Variants in CCBE1 observed in about 807,000 individuals in gnomAD.
CCBE1 encodes the protein collagen and calcium-binding EGF domain-containing protein 1.
CCBE1 carries 37 observed loss-of-function variants against 50.0 expected under a neutral mutation model. The observed-to-expected ratio is 0.74, with a 90% CI of 0.57 to 0.97. The LOEUF (loss-of-function observed/expected upper bound fraction) is 0.97, where lower values mean the gene tolerates loss of function less well. Ranked by LOEUF, CCBE1 falls within the 50% of genes least tolerant of loss-of-function variation. CCBE1 has a pLI of 0.00. For synonymous variants in CCBE1, 234 were observed against 203.7 expected (o/e 1.15, Z -1.27); for missense variants, 538 against 523.8 (o/e 1.03, Z -0.26).
Position 59,648,683 on chromosome 18 carries a change from C to G in CCBE1, c.212+47946G>C, listed in dbSNP as rs12605041. The stretch of plus-strand genomic sequence containing the variant: ...CGCCACTGCACTCCAGCCTGGGCAA[C>G]AGAGCAAGACCCTGTCTCAAAAGAA... On this transcript the variant is annotated intron_variant, in intron 2 of 10. Transcript: ENST00000439986. 1.2e-4 allele frequency among the ~76,000 whole-genome samples: 18 copies of G among 152,168 alleles called. No individual in the cohort carries two copies. In the East Asian group the frequency reaches 3.1e-3, roughly 26 times the overall value.
chr18:59,498,273 ATT>A (rs1406804739), intron 2 of CCBE1, among the ~76,000 whole-genome samples: 1 of 152,208 alleles, frequency 6.6e-6, no homozygotes, highest in African/African-American at 2.4e-5. Flanking sequence ...AAATTATACA[ATT>A]TGATAAATTG....
intron 2 of CCBE1, among the ~76,000 whole-genome samples, chr18:59,622,856 G>GGGGAGGGAGAGA (rs2053731886): frequency 6.6e-6 from 1 of 151,192 alleles, no homozygotes; most frequent in Admixed American, 6.6e-5. Context: ...CCAGGGTCTG[G>GGGGAGGGAGAGA]GGGAGGGAGA....
chr18:59,549,471 G>T (rs1197273261), intron 2 of CCBE1, among the ~76,000 whole-genome samples: 3 of 152,152 alleles, frequency 2.0e-5, no homozygotes, highest in Non-Finnish European at 4.4e-5. Flanking sequence ...ATATTTTATT[G>T]CAGTAATTGA....
intron 2 of CCBE1, among the ~76,000 whole-genome samples, chr18:59,637,943 T>A (rs1158095304): frequency 6.6e-6 from 1 of 152,118 alleles, no homozygotes; most frequent in Admixed American, 6.6e-5. Context: ...CACAAAAATC[T>A]TTCAAAAAAT....
intron 2 of CCBE1, among the ~76,000 whole-genome samples, chr18:59,606,715 C>T (rs1199747540): frequency 1.3e-5 from 2 of 152,108 alleles, no homozygotes; most frequent in Admixed American, 6.5e-5. Context: ...GGAAAAAAAA[C>T]AACCAATCAT....
intron 2 of CCBE1, among the ~76,000 whole-genome samples, chr18:59,612,734 T>C (rs916100061): frequency 1.1e-4 from 17 of 151,734 alleles, no homozygotes; most frequent in Non-Finnish European, 8.8e-5. Context: ...AGCCGCCCCA[T>C]GCAGACAATT....
intron 2 of CCBE1, among the ~76,000 whole-genome samples, chr18:59,676,689 A>G (rs1434913804): frequency 6.6e-6 from 1 of 152,138 alleles, no homozygotes; most frequent in Non-Finnish European, 1.5e-5. Flanking sequence ...AAGACACAAT[A>G]AATAAAGTAC....
chr18:59,593,447 C>A (rs1204736613), intron 2 of CCBE1, among the ~76,000 whole-genome samples: 1 of 152,220 alleles, frequency 6.6e-6, no homozygotes, highest in African/African-American at 2.4e-5. Context: ...TTTTGTAATG[C>A]ATTCCAGTAC....
chr18:59,646,392 C>T (rs1399162316), intron 2 of CCBE1, among the ~76,000 whole-genome samples: 1 of 152,124 alleles, frequency 6.6e-6, no homozygotes, highest in Non-Finnish European at 1.5e-5. Flanking sequence ...CAATCCCAAC[C>T]CAGAAGTGGA....
chr18:59,641,126 T>TA (rs762438379), intron 2 of CCBE1, among the ~76,000 whole-genome samples: 1 of 151,882 alleles, frequency 6.6e-6, no homozygotes, highest in Non-Finnish European at 1.5e-5. Context: ...TATACCCAAA[T>TA]AAAAAAACAT....
intron 6 of CCBE1, among the ~76,000 whole-genome samples, chr18:59,448,951 C>T (rs1910805927): frequency 6.6e-6 from 1 of 152,160 alleles, no homozygotes; most frequent in South Asian, 2.1e-4. Flanking sequence ...AGGTGGGTAC[C>T]TGTGGCCCTG....
chr18:59,697,619 T>G, upstream of CCBE1: 4 of 448,316 alleles, frequency 8.9e-6, no homozygotes, highest in East Asian at 4.5e-5. Context: ...GTTCAAGTTG[T>G]CTCGTCGGGA....
intron 2 of CCBE1, among the ~76,000 whole-genome samples, chr18:59,571,409 T>C (rs1456424286): frequency 7.2e-6 from 1 of 138,732 alleles, no homozygotes; most frequent in Non-Finnish European, 1.5e-5. Context: ...TTCTCACTCA[T>C]AGGTGGGAAT....
At chr18:59,609,856 AG>A (rs2053547170) in intron 2 of CCBE1, among the ~76,000 whole-genome samples, 1 of 152,246 alleles carries the variant, frequency 6.6e-6, no homozygotes, top group African/African-American at 2.4e-5. Context: ...TGATTGGGTA[AG>A]TACCAGGGAT....
chr18:59,534,244 C>T (rs1038252740), intron 2 of CCBE1, among the ~76,000 whole-genome samples: 3 of 152,182 alleles, frequency 2.0e-5, no homozygotes, highest in East Asian at 1.9e-4. Context: ...CCTATAACTT[C>T]GGTATCATGT....
chr18:59,562,575 G>A (rs182368697), intron 2 of CCBE1, among the ~76,000 whole-genome samples: 2 of 152,282 alleles, frequency 1.3e-5, no homozygotes, highest in East Asian at 3.9e-4. Context: ...CTTTCTACCC[G>A]AGTTACTTTG....
At chr18:59,510,694 T>C (rs961897297) in intron 2 of CCBE1, among the ~76,000 whole-genome samples, 1 of 152,206 alleles carries the variant, frequency 6.6e-6, no homozygotes, top group African/African-American at 2.4e-5. Context: ...AGTGCTGGGA[T>C]TACAGGCAGG....
intron 2 of CCBE1, among the ~76,000 whole-genome samples, chr18:59,548,516 C>G (rs78558629): frequency 1.3e-5 from 2 of 152,020 alleles, no homozygotes; most frequent in Admixed American, 6.5e-5. Context: ...TCTGACAAGA[C>G]GCAATCATAT....
chr18:59,633,626 G>C (rs2053878725), intron 2 of CCBE1, among the ~76,000 whole-genome samples: 1 of 152,062 alleles, frequency 6.6e-6, no homozygotes, highest in Admixed American at 6.6e-5. Context: ...TGACCCTAGA[G>C]GCAAAACATT....
Sources: allele counts gnomAD v4.1 joint callset (sites outside exome capture counted in the v4.1 genomes callset), GRCh38; gene constraint gnomAD v4.1.1; transcripts MANE v1.5; gene names NCBI Gene and HGNC (gene_info 2026-07-23, HGNC 2026-07-21).